RECQL5: variants seen among roughly 807,000 people sequenced by gnomAD.
RECQL5 encodes the protein RecQ like helicase 5, also known as ATP-dependent DNA helicase Q5.
Under a neutral mutation model 103.4 loss-of-function variants are expected in RECQL5, and 88 were observed. That is an observed-to-expected ratio of 0.85 (90% confidence interval 0.72 to 1.02). RECQL5 has a LOEUF of 1.02. Among genes scored for constraint, RECQL5 ranks in the 50% least tolerant of loss-of-function variants. The pLI, the probability that RECQL5 is intolerant of heterozygous loss-of-function variation, is 0.00. For missense variants in RECQL5, 1,232 were observed against 1,284.3 expected (o/e 0.96, Z 0.62); for synonymous variants, 552 against 507.9 (o/e 1.09, Z -1.17).
rs1012841131 is a variant in RECQL5, at chr17:75,665,714, G to A, written c.131-542C>T. ...CAAAAAAAAAAAAAAAAAAAAAGAA[G>A]TCTGAGTCTGCTGTGATATGGATGA... On this transcript the variant is annotated intron_variant, in intron 2 of 19. Coordinates refer to ENST00000317905, the MANE Select transcript of RECQL5 (RefSeq NM_004259.7). Among the ~76,000 whole-genome samples, 40 of 148,098 alleles carry A rather than the reference G, an allele frequency of 2.7e-4. 1 individual carries two copies. The highest frequency in any genetic ancestry group is 1.5e-5 in the Non-Finnish European group (1 of 67,028).
chr17:75,628,121 C>T (rs2059135889), intron 18 of RECQL5, 97 bp downstream of exon 18: 4 of 1,095,834 alleles, frequency 3.7e-6, no homozygotes, highest in Non-Finnish European at 5.4e-6. Flanking sequence ...GGCCCTAGGC[C>T]CACTGTGTTC....
Position 75,628,444 on chromosome 17 carries a change from T to C in RECQL5, c.2581-2A>G. On this transcript the variant is annotated splice_acceptor_variant, in intron 17 of 19. Transcript: ENST00000317905. LOFTEE classifies it high-confidence loss of function. ...CTGAGGCTGGCTCTCTGGGTTCTCC[T>C]GAGAAGGGCCACAGCAGAGGGTCAC... 6.2e-7 allele frequency: 1 copy of C among 1,612,780 alleles called. No homozygotes were observed. Among genetic ancestry groups the C allele is most frequent in the Non-Finnish European group, 8.5e-7 (1 of 1,179,588 alleles).
In RECQL5 at chr17:75,640,982, C is replaced by T; in HGVS notation, c.1230-9314G>A. The T allele has an allele frequency of 5.3e-6, 8 of 1,502,972 alleles. No individual in the cohort carries two copies. Among genetic ancestry groups the T allele is most frequent in the Non-Finnish European group, 7.1e-6 (8 of 1,123,000 alleles). The allele number at this position is 1,502,972 out of a possible 1,614,324, so 93.1% of individuals were successfully genotyped here. A position where few individuals can be genotyped will look rare whatever the true frequency, so the allele number is the denominator to read the frequency against. On this transcript the variant is annotated intron_variant, in intron 8 of 19. Transcript: ENST00000317905. The surrounding 1 kb of genome is among the most constrained non-coding windows in gnomAD (Gnocchi z 4.6). ...CATCAGCCTGGCCCTGCAGCCCTTA[C>T]CCCTCAAGACCAGGCTCCCCTGGCC... is the stretch of plus-strand genomic sequence containing the variant.
intron 8 of RECQL5, chr17:75,650,267 A>G: frequency 1.0e-6 from 1 of 999,154 alleles, no homozygotes; most frequent in Non-Finnish European, 1.2e-6. Flanking sequence ...CAAATTAGAG[A>G]CAGCAGTTTG....
In RECQL5 at chr17:75,662,660, G is replaced by T. The variant is rs985107055; in HGVS notation, c.590C>A (p.Pro197Gln). Residue 197 changes from proline (P) to glutamine (Q), a missense_variant, in exon 4 of 20, where the codon CCA becomes CAA. By Grantham distance (76) the Pro-to-Gln change is moderately conservative (BLOSUM62 -1). Coordinates refer to ENST00000317905, the MANE Select transcript of RECQL5 (RefSeq NM_004259.7). ...PCVALTATAT[P>Q]QVQEDVFAAL... is the part of the protein sequence containing the mutation. ...AGCAAACACGTCCTCTTGGACCTGT[G>T]GGGTGGCTGTGGCGGTCAGAGCCAC... 2.5e-6 allele frequency: 4 copies of T among 1,614,158 alleles called. No individual in the cohort carries two copies. The highest frequency in any genetic ancestry group is 2.7e-5 in the African/African-American group (2 of 75,064).
rs764007701 is a variant in RECQL5, at chr17:75,630,301, C to T, written c.1719-24G>A. ...CTCTGTGGGTGCAAGGTAACAGGCACAAGGTATCAGGTGGGCCTGGGCTTC... is the reference window on the plus strand; with the variant it reads ...CTCTGTGGGTGCAAGGTAACAGGCATAAGGTATCAGGTGGGCCTGGGCTTC... On this transcript the variant is annotated intron_variant, in intron 13 of 19. Coordinates refer to ENST00000317905, the MANE Select transcript of RECQL5 (RefSeq NM_004259.7). The T allele has an allele frequency of 3.3e-6, 5 of 1,535,956 alleles. 1 individual carries two copies. In the South Asian group the frequency reaches 6.2e-5, roughly 19 times the overall value.
In RECQL5 at chr17:75,630,856, G is replaced by T. The variant is rs1446944909; in HGVS notation, c.1586-19C>A. ...TTCTCATCTGTGGGGGGGGGGGGTG[G>T]TCCTTGGTCCTTTCGCTCCACCTTC... is the stretch of plus-strand genomic sequence containing the variant. On this transcript the variant is annotated intron_variant, in intron 11 of 19. Coordinates refer to ENST00000317905, the MANE Select transcript of RECQL5 (RefSeq NM_004259.7). 1 of 1,453,948 alleles carries T rather than the reference G, an allele frequency of 6.9e-7. No homozygotes were observed. The allele number at this position is 1,453,948 out of a possible 1,614,324, so 90.1% of individuals were successfully genotyped here. A position where few individuals can be genotyped will look rare whatever the true frequency, so the allele number is the denominator to read the frequency against.
Position 75,627,103 on chromosome 17 carries a change from G to T in RECQL5, c.*319C>A. 2.0e-6 allele frequency: 1 copy of T among 501,280 alleles called. No homozygotes were observed. Among genetic ancestry groups the T allele is most frequent in the South Asian group, 1.5e-5 (1 of 64,662 alleles). 31.1% of individuals were successfully genotyped at this position (501,280 alleles called of 1,614,324 possible). A position where few individuals can be genotyped will look rare whatever the true frequency, so the allele number is the denominator to read the frequency against. ...TGGGCCTCATCCTGACTTAGAACTC[G>T]GGGAGGGGCCACTCTTCCTTCCCCT... On this transcript the variant is annotated 3_prime_UTR_variant, in exon 20 of 20. Coordinates refer to ENST00000317905, the MANE Select transcript of RECQL5 (RefSeq NM_004259.7).
chr17:75,627,956 T>C (rs1598973412), intron 18 of RECQL5, among the ~76,000 whole-genome samples: 1 of 147,704 alleles, frequency 6.8e-6, no homozygotes, highest in Middle Eastern at 3.5e-3. Flanking sequence ...GAGGCGGAGG[T>C]TGCAGTGAGC....
Position 75,629,092 on chromosome 17 carries a change from C to T in RECQL5, c.2331G>A (p.Leu777=), listed in dbSNP as rs753716678. ...CTTCTGCCTCTGGGGCTGATGCCAG[C>T]AGAGCTGGGCTTTCCACCCTTCGGC... ...FFCRRVESPA[L]LASAPEAEGA... The change falls in exon 16 of 20, where the codon CTG becomes CTA. Residue 777 remains leucine, a synonymous_variant. Transcript: ENST00000317905. 3.7e-6 allele frequency: 6 copies of T among 1,613,314 alleles called. No homozygotes were observed. In the East Asian group the frequency reaches 1.3e-4, roughly 36 times the overall value.
At chr17:75,634,537 G>C (rs1327240613) in intron 8 of RECQL5, among the ~76,000 whole-genome samples, 1 of 152,264 alleles carries the variant, frequency 6.6e-6, no homozygotes, top group Non-Finnish European at 1.5e-5. Flanking sequence ...TGGCTGTCCA[G>C]CTTGGGAGAG....
chr17:75,633,768 G>A (rs758220884), intron 8 of RECQL5: 12 of 1,022,158 alleles, frequency 1.2e-5, no homozygotes, highest in East Asian at 2.1e-4. Context: ...ACAGGCTCAG[G>A]TGGAGCCTCC....
rs116685551 is a variant in RECQL5, at chr17:75,664,232, A to G, written c.252+819T>C. Among the ~76,000 whole-genome samples, 474 of 152,240 alleles carry G rather than the reference A, an allele frequency of 3.1e-3. 4 individuals carry two copies. The highest frequency in any genetic ancestry group is 0.011 in the African/African-American group (454 of 41,544). On this transcript the variant is annotated intron_variant, in intron 3 of 19. Coordinates refer to ENST00000317905, the MANE Select transcript of RECQL5 (RefSeq NM_004259.7). ...TCCTCAATTCTGATTCTATCAGCCC[A>G]TCTGCAGGCCTTAAATAGTCAGAAC...
intron 8 of RECQL5, chr17:75,647,378 T>C (rs2059501588): frequency 3.9e-6 from 6 of 1,548,078 alleles, no homozygotes; most frequent in Non-Finnish European, 5.2e-6. Context: ...CAGATTCTCA[T>C]GGACCAACTG....
Position 75,631,271 on chromosome 17 carries a change from G to C in RECQL5, c.1449-22C>G, listed in dbSNP as rs763975632. On this transcript the variant is annotated intron_variant, in intron 9 of 19. Transcript: ENST00000317905. ...ATACCTAGGGACAGGCCAGGCGTGAGTGGCCCTGGCCTGGGCTCTGCCCTC... is the reference window on the plus strand; with the variant it reads ...ATACCTAGGGACAGGCCAGGCGTGACTGGCCCTGGCCTGGGCTCTGCCCTC... 3.1e-6 allele frequency: 5 copies of C among 1,604,810 alleles called. No individual in the cohort carries two copies. In the East Asian group the frequency reaches 1.1e-4, roughly 36 times the overall value.
chr17:75,656,308 C>G (rs2059619515), intron 7 of RECQL5, among the ~76,000 whole-genome samples: 1 of 151,864 alleles, frequency 6.6e-6, no homozygotes, highest in Non-Finnish European at 1.5e-5. Flanking sequence ...AAACTCCCGA[C>G]CTCAGGTGAT....
chr17:75,632,475 C>G (rs571673820), intron 8 of RECQL5, among the ~76,000 whole-genome samples: 1 of 152,248 alleles, frequency 6.6e-6, no homozygotes, highest in Non-Finnish European at 1.5e-5. Flanking sequence ...AAGGCAGGCA[C>G]GGCTGTGTAG....
chr17:75,631,023 A>G lies in RECQL5; in HGVS notation c.1549-13T>C. 6.2e-7 allele frequency: 1 copy of G among 1,613,646 alleles called. No homozygotes were observed. The highest frequency in any genetic ancestry group is 8.5e-7 in the Non-Finnish European group (1 of 1,179,922). On this transcript the variant is annotated splice_polypyrimidine_tract_variant and intron_variant, in intron 10 of 19. Coordinates refer to ENST00000317905, the MANE Select transcript of RECQL5 (RefSeq NM_004259.7). Reference sequence around the variant, plus strand: ...TGGGGTCTTTGCCCTGGAGGACAACATGAAGGACCCATGAGGCGTCCTGCC... The same window carrying G: ...TGGGGTCTTTGCCCTGGAGGACAACGTGAAGGACCCATGAGGCGTCCTGCC...
In RECQL5 at chr17:75,630,978, G is replaced by A; in HGVS notation, c.1581C>T (p.Pro527=). The stretch of plus-strand genomic sequence containing the variant: ...CAGGAACATTTCTGTACTGACCTGG[G>A]GGTACAAATTCTTCTATCTTGGGGT... The part of the protein sequence containing the change: ...GKDPKIEEFV[P]PDENCPLKEA... Residue 527 remains proline (P), a synonymous_variant, in exon 11 of 20, where the codon CCC becomes CCT. Transcript: ENST00000317905. 1 of 1,613,794 alleles carries A rather than the reference G, an allele frequency of 6.2e-7. No individual in the cohort carries two copies. The highest frequency in any genetic ancestry group is 8.5e-7 in the Non-Finnish European group (1 of 1,179,898).
Sources: allele counts gnomAD v4.1 joint callset (sites outside exome capture counted in the v4.1 genomes callset), GRCh38; gene constraint gnomAD v4.1.1; non-coding constraint Gnocchi (gnomAD v3.1); transcripts MANE v1.5; gene names NCBI Gene and HGNC (gene_info 2026-07-23, HGNC 2026-07-21).